AUTS2: variants seen among roughly 807,000 people sequenced by gnomAD.
AUTS2 encodes the protein activator of transcription and developmental regulator AUTS2, also known as autism susceptibility gene 2 protein.
AUTS2 carries 17 observed loss-of-function variants against 112.4 expected under a neutral mutation model. The observed-to-expected ratio is 0.15, with a 90% confidence interval of 0.10 to 0.23. The LOEUF is 0.23. AUTS2 is among the 10% of genes least tolerant of loss of function. The probability of loss-of-function intolerance (pLI) is 1.00; values close to 1 mark genes in which losing one functional copy is unlikely to be tolerated. For missense variants in AUTS2, 1,510 were observed against 1,701.6 expected (o/e 0.89, Z 1.98); for synonymous variants, 751 against 702.7 (o/e 1.07, Z -1.09).
At chr7:70,186,438 T>C (rs1400920342) in intron 4 of AUTS2, among the ~76,000 whole-genome samples, 1 of 152,160 alleles carries the variant, frequency 6.6e-6, no homozygotes, top group Non-Finnish European at 1.5e-5. Flanking sequence ...ATGGTGGTTA[T>C]ATTTTTGGCT....
intron 5 of AUTS2, among the ~76,000 whole-genome samples, chr7:70,554,140 C>G (rs1355270923): frequency 6.7e-6 from 1 of 150,036 alleles, no homozygotes; most frequent in Non-Finnish European, 1.5e-5. Flanking sequence ...GCGATCTCCA[C>G]TCAATGCAAC....
intron 1 of AUTS2, among the ~76,000 whole-genome samples, chr7:69,872,997 CA>C (rs200900545): frequency 0.035 from 5,315 of 151,760 alleles, 141 homozygotes; most frequent in Non-Finnish European, 0.053. Context: ...CACGCACCAT[CA>C]CACCCAGATA....
intron 2 of AUTS2, among the ~76,000 whole-genome samples, chr7:70,097,456 A>G (rs1804265712): frequency 6.6e-6 from 1 of 152,214 alleles, no homozygotes; most frequent in Non-Finnish European, 1.5e-5. Flanking sequence ...TGTATAAAAT[A>G]TAGAGGTGAT....
chr7:70,151,541 G>A (rs1807442027), intron 4 of AUTS2, among the ~76,000 whole-genome samples: 2 of 152,030 alleles, frequency 1.3e-5, no homozygotes, highest in African/African-American at 4.8e-5. Flanking sequence ...TGGTACTATT[G>A]TGGCCCACTG....
intron 1 of AUTS2, among the ~76,000 whole-genome samples, chr7:69,602,017 T>C (rs1190960994): frequency 7.0e-5 from 1 of 14,388 alleles, no homozygotes; most frequent in African/African-American, 4.4e-4. Flanking sequence ...TATATGTGTG[T>C]GTGTATATAT....
intron 1 of AUTS2, among the ~76,000 whole-genome samples, chr7:69,623,238 A>C (rs752638867): frequency 8.6e-5 from 13 of 151,980 alleles, no homozygotes; most frequent in Non-Finnish European, 1.3e-4. Context: ...GGTTTGTGAC[A>C]GGGGGACAAG....
At chr7:70,497,141 A>T (rs202124261) in intron 5 of AUTS2, among the ~76,000 whole-genome samples, 13 of 117,478 alleles carry the variant, frequency 1.1e-4, no homozygotes, top group Non-Finnish European at 1.2e-4. Context: ...CATCAGCATC[A>T]ATCACACACC....
chr7:70,417,885 G>A (rs1359902922), intron 4 of AUTS2, among the ~76,000 whole-genome samples: 1 of 152,082 alleles, frequency 6.6e-6, no homozygotes, highest in Non-Finnish European at 1.5e-5. Context: ...CTCACCTCCT[G>A]GCAGAAACAC....
At chr7:70,322,225 T>G (rs971557519) in intron 4 of AUTS2, among the ~76,000 whole-genome samples, 1 of 152,144 alleles carries the variant, frequency 6.6e-6, no homozygotes, top group Admixed American at 6.6e-5. Context: ...TTAAAATACA[T>G]TATAGTATAT....
chr7:70,601,488 G>T (rs1251873515), intron 5 of AUTS2, among the ~76,000 whole-genome samples: 1 of 152,206 alleles, frequency 6.6e-6, no homozygotes, highest in African/African-American at 2.4e-5. Context: ...AATCAGATGT[G>T]AAACTGTCTA....
chr7:70,390,976 C>T (rs1793825962), intron 4 of AUTS2, among the ~76,000 whole-genome samples: 2 of 152,186 alleles, frequency 1.3e-5, no homozygotes, highest in Admixed American at 1.3e-4. Context: ...GTGCTGATAA[C>T]TGTAAAACCA....
At chr7:70,758,836 C>A (rs1203969618) in intron 6 of AUTS2, among the ~76,000 whole-genome samples, 1 of 152,144 alleles carries the variant, frequency 6.6e-6, no homozygotes, top group African/African-American at 2.4e-5. Flanking sequence ...AAAAGCTTAA[C>A]TGGGAAGATA....
chr7:70,724,608 G>A (rs1222488977), intron 6 of AUTS2, among the ~76,000 whole-genome samples: 1 of 151,946 alleles, frequency 6.6e-6, no homozygotes, highest in Non-Finnish European at 1.5e-5. Flanking sequence ...ACCACGCCCG[G>A]CTAATTTTTT....
At chr7:70,741,334 C>T (rs1231512652) in intron 6 of AUTS2, among the ~76,000 whole-genome samples, 1 of 144,982 alleles carries the variant, frequency 6.9e-6, no homozygotes, top group African/African-American at 2.6e-5. Flanking sequence ...TTATCACTGA[C>T]AGAAAAAAAA....
chr7:70,391,238 A>C (rs75698823), intron 4 of AUTS2, among the ~76,000 whole-genome samples: 1 of 152,146 alleles, frequency 6.6e-6, no homozygotes, highest in Non-Finnish European at 1.5e-5. Context: ...GTCCTCAGCA[A>C]ATATGTTTTG....
At chr7:70,592,392 T>C (rs763814709) in intron 5 of AUTS2, among the ~76,000 whole-genome samples, 68 of 151,848 alleles carry the variant, frequency 4.5e-4, no homozygotes, top group Admixed American at 2.3e-3. Flanking sequence ...TGAGATGGAG[T>C]CTTGCCCTGT....
intron 1 of AUTS2, among the ~76,000 whole-genome samples, chr7:69,744,687 AT>A: frequency 1.3e-5 from 2 of 150,118 alleles, no homozygotes; most frequent in East Asian, 3.9e-4. Context: ...AAAAAAAAAA[AT>A]TAGCCGATGT....
At chr7:69,665,534 A>G (rs1795993136) in intron 1 of AUTS2, among the ~76,000 whole-genome samples, 1 of 152,326 alleles carries the variant, frequency 6.6e-6, no homozygotes, top group African/African-American at 2.4e-5. Context: ...AGTCAGGATC[A>G]TACGGCATTG....
In AUTS2 at chr7:70,609,580, G is replaced by GT. The variant is rs773394729; in HGVS notation, c.691-88977dup. 2.5e-3 allele frequency among the ~76,000 whole-genome samples: 358 copies of GT among 143,746 alleles called. 5 individuals carry two copies. In the East Asian group the frequency reaches 0.026, roughly 10 times the overall value. The allele number at this position is 143,746 out of a possible 152,430, so 94.3% of individuals were successfully genotyped here. A position where few individuals can be genotyped will look rare whatever the true frequency, so the allele number is the denominator to read the frequency against. ...AAGCTAATTTTGTTTTTTTTGTTTT[G>GT]TTTTTTTTTTTTGTTGTTTTGTTTT... On this transcript the variant is annotated intron_variant, in intron 5 of 18. Transcript: ENST00000342771.
Sources: allele counts gnomAD v4.1 joint callset (sites outside exome capture counted in the v4.1 genomes callset), GRCh38; gene constraint gnomAD v4.1.1; transcripts MANE v1.5; gene names NCBI Gene and HGNC (gene_info 2026-07-23, HGNC 2026-07-21).